C1GALT1: variants seen among roughly 807,000 people sequenced by gnomAD.
The protein encoded by C1GALT1 is glycoprotein-N-acetylgalactosamine 3-beta-galactosyltransferase 1.
Under a neutral mutation model 31.0 loss-of-function variants are expected in C1GALT1, and 11 were observed. That is an observed-to-expected ratio of 0.36 (90% CI 0.22 to 0.59). C1GALT1 has a LOEUF of 0.59. Among genes scored for constraint, C1GALT1 ranks in the 20% least tolerant of loss-of-function variants. C1GALT1 has a pLI of 0.79. For missense variants in C1GALT1, 424 were observed against 425.2 expected (o/e 1.00, Z 0.03); for synonymous variants, 175 against 143.6 (o/e 1.22, Z -1.56).
intron 1 of C1GALT1, among the ~76,000 whole-genome samples, chr7:7,200,057 T>C (rs1781470231): frequency 6.6e-6 from 1 of 152,206 alleles, no homozygotes; most frequent in Non-Finnish European, 1.5e-5. Context: ...GTTAATACTG[T>C]TAGGTGTGTA....
chr7:7,241,567 C>T (rs1394822276), intron 3 of C1GALT1, among the ~76,000 whole-genome samples: 1 of 151,914 alleles, frequency 6.6e-6, no homozygotes, highest in Admixed American at 6.6e-5. Flanking sequence ...TGTAAGTCAC[C>T]TTTTAGGTCC....
chr7:7,165,380 T>A (rs1365032812), intron 2 of C1GALT1, among the ~76,000 whole-genome samples: 1 of 152,238 alleles, frequency 6.6e-6, no homozygotes, highest in Non-Finnish European at 1.5e-5. Context: ...CCCATTTAAT[T>A]TATCCTTTAA....
intron 2 of C1GALT1, among the ~76,000 whole-genome samples, chr7:7,166,497 G>C (rs1451732429): frequency 6.6e-6 from 1 of 152,084 alleles, no homozygotes; most frequent in African/African-American, 2.4e-5. Context: ...GCTTGGAGAT[G>C]GGGCAGGGTG....
At chr7:7,160,256 T>C (rs888143475) in intron 2 of C1GALT1, among the ~76,000 whole-genome samples, 5 of 152,122 alleles carry the variant, frequency 3.3e-5, no homozygotes, top group African/African-American at 9.7e-5. Context: ...GCATATGACC[T>C]TTACCTTCCA....
At chr7:7,174,223 C>T (rs111541836) in intron 2 of C1GALT1, among the ~76,000 whole-genome samples, 4,008 of 152,266 alleles carry the variant, frequency 0.026, 71 homozygotes, top group Non-Finnish European at 0.041. Flanking sequence ...CCAAATACAG[C>T]CACACTAGGT....
chr7:7,186,046 A>G (rs1490526491), intron 1 of C1GALT1, among the ~76,000 whole-genome samples: 1 of 114,342 alleles, frequency 8.7e-6, no homozygotes, highest in African/African-American at 4.1e-5. Context: ...TCAGGGGGCC[A>G]CATCTGGTGA....
At chr7:7,220,303 C>A (rs1782453172) in intron 1 of C1GALT1, among the ~76,000 whole-genome samples, 1 of 152,128 alleles carries the variant, frequency 6.6e-6, no homozygotes, top group South Asian at 2.1e-4. Flanking sequence ...TCAGTGTTAG[C>A]TATTTTTATT....
intron 1 of C1GALT1, among the ~76,000 whole-genome samples, chr7:7,213,598 T>G (rs1000852937): frequency 6.6e-6 from 1 of 152,204 alleles, no homozygotes; most frequent in African/African-American, 2.4e-5. Context: ...CATAAATATT[T>G]TGCCAAAATG....
chr7:7,197,259 T>C (rs1195885599), intron 1 of C1GALT1, among the ~76,000 whole-genome samples: 1 of 150,566 alleles, frequency 6.6e-6, no homozygotes, highest in Non-Finnish European at 1.5e-5. Context: ...TTTCTACATA[T>C]GGCTAGCCAG....
intron 1 of C1GALT1, among the ~76,000 whole-genome samples, chr7:7,230,622 C>G (rs1383679060): frequency 8.2e-6 from 1 of 121,522 alleles, no homozygotes; most frequent in Non-Finnish European, 1.7e-5. Context: ...TCTATATTCC[C>G]TTTTTTTTTT....
chr7:7,183,647 C>A (rs1172497086), intron 1 of C1GALT1: 12 of 964,040 alleles, frequency 1.2e-5, no homozygotes, highest in Non-Finnish European at 1.5e-5. Context: ...TGGATTTATT[C>A]TTTCCTGGTC....
chr7:7,241,167 C>T (rs1783611620), intron 3 of C1GALT1, among the ~76,000 whole-genome samples: 1 of 152,008 alleles, frequency 6.6e-6, no homozygotes, highest in East Asian at 1.9e-4. Context: ...ATATGATCTA[C>T]TTTATTCAGT....
At chr7:7,170,944 T>G (rs1780446821) in intron 2 of C1GALT1, among the ~76,000 whole-genome samples, 2 of 152,234 alleles carry the variant, frequency 1.3e-5, no homozygotes, top group African/African-American at 4.8e-5. Flanking sequence ...TGATTTTGAT[T>G]TGTAGCTTCA....
At chr7:7,206,280 CT>C (rs1328401286) in intron 1 of C1GALT1, among the ~76,000 whole-genome samples, 1 of 151,956 alleles carries the variant, frequency 6.6e-6, no homozygotes, top group Non-Finnish European at 1.5e-5. Context: ...TATGTATTTA[CT>C]GTCACTGCAA....
At chr7:7,220,344 T>A (rs919768161) in intron 1 of C1GALT1, among the ~76,000 whole-genome samples, 1 of 152,242 alleles carries the variant, frequency 6.6e-6, no homozygotes, top group Admixed American at 6.5e-5. Flanking sequence ...TTGAGTGTTC[T>A]TTTTAATTTG....
intron 1 of C1GALT1, chr7:7,183,726 A>G (rs1780693844): frequency 2.4e-6 from 1 of 414,546 alleles, no homozygotes; most frequent in Non-Finnish European, 3.2e-6. Flanking sequence ...CAAAAAACCC[A>G]CACATCCTGG....
At chr7:7,200,691 G>A (rs34491888) in intron 1 of C1GALT1, among the ~76,000 whole-genome samples, 24,846 of 151,996 alleles carry the variant, frequency 0.16, 2,270 homozygotes, top group Middle Eastern at 0.29. Context: ...GGCTTTGTTC[G>A]TTTCTTTTTA....
In C1GALT1 at chr7:7,198,779, A is replaced by G. The variant is rs569955695; in HGVS notation, c.-18+15959A>G. Among the ~76,000 whole-genome samples, 5 of 152,332 alleles carry G rather than the reference A, an allele frequency of 3.3e-5. No homozygotes were observed. In the South Asian group the frequency reaches 1.0e-3, roughly 32 times the overall value. Reference sequence around the variant, plus strand: ...TAGTCTTGGGAGGGTGTATGTGTCCAGGAATTTATCCATTTCTTCTAGATT... The same window carrying G: ...TAGTCTTGGGAGGGTGTATGTGTCCGGGAATTTATCCATTTCTTCTAGATT... On this transcript the variant is annotated intron_variant, in intron 1 of 3. Transcript: ENST00000436587.
At chr7:7,163,013 T>C (rs925911102) in intron 2 of C1GALT1, among the ~76,000 whole-genome samples, 1 of 152,220 alleles carries the variant, frequency 6.6e-6, no homozygotes, top group African/African-American at 2.4e-5. Flanking sequence ...TTCTGGATAT[T>C]AGCCCTTTGT....
Sources: allele counts gnomAD v4.1 joint callset (sites outside exome capture counted in the v4.1 genomes callset), GRCh38; gene constraint gnomAD v4.1.1; transcripts MANE v1.5; gene names NCBI Gene and HGNC (gene_info 2026-07-23, HGNC 2026-07-21).